The following UFSP2 variants were observed in gnomAD, a reference collection of about 807,000 sequenced individuals.
The protein encoded by UFSP2 is UFM1 specific peptidase 2.
Under a neutral mutation model 60.2 loss-of-function variants are expected in UFSP2, and 43 were observed. The observed-to-expected ratio is 0.71, with a 90% CI of 0.56 to 0.92. The LOEUF is 0.92. Ranked by LOEUF, UFSP2 falls within the 40% of genes least tolerant of loss-of-function variation. The pLI is 0.00. For synonymous variants in UFSP2, 183 were observed against 195.1 expected (o/e 0.94, Z 0.52); for missense variants, 520 against 575.0 (o/e 0.90, Z 0.98).
intron 2 of UFSP2, among the ~76,000 whole-genome samples, chr4:185,420,107 C>T (rs945381489): frequency 9.9e-5 from 15 of 152,232 alleles, no homozygotes; most frequent in African/African-American, 3.1e-4. Flanking sequence ...ATTTAAACCT[C>T]TTAGTTCTTT....
chr4:185,399,975 T>G lies in UFSP2; in HGVS notation c.*417A>C. On this transcript the variant is annotated 3_prime_UTR_variant, in exon 12 of 12. Coordinates refer to ENST00000264689, the MANE Select transcript of UFSP2 (RefSeq NM_018359.5). ...GTGGAAGTTTGGGGATAAAACTCTT[T>G]TTAAAAAAAAGTTTTTAATGTTAAC... is the stretch of plus-strand genomic sequence containing the variant. 2 of 1,594,654 alleles carry G rather than the reference T, an allele frequency of 1.3e-6. No individual in the cohort carries two copies. Among genetic ancestry groups the G allele is most frequent in the Non-Finnish European group, 1.7e-6 (2 of 1,174,348 alleles).
intron 9 of UFSP2, among the ~76,000 whole-genome samples, chr4:185,407,440 T>G (rs192297337): frequency 3.9e-4 from 60 of 152,300 alleles, no homozygotes; most frequent in African/African-American, 1.4e-3. Flanking sequence ...ATTTTCTCAT[T>G]TTAATATTAG....
In UFSP2 at chr4:185,415,655, G is replaced by A. The variant is rs1285156428; in HGVS notation, c.491+55C>T. 9 of 1,481,456 alleles carry A rather than the reference G, an allele frequency of 6.1e-6. No homozygotes were observed. In the East Asian group the frequency reaches 1.4e-4, roughly 23 times the overall value. The allele number at this position is 1,481,456 out of a possible 1,614,324, so 91.8% of individuals were successfully genotyped here. On this transcript the variant is annotated intron_variant, in intron 5 of 11. Coordinates refer to ENST00000264689, the MANE Select transcript of UFSP2 (RefSeq NM_018359.5). ...TATACCTACAGGATATACAAACATG[G>A]GTTTGGGGAAGGGCCCTCATTCAAA...
intron 4 of UFSP2, 61 bp from the exon 5 acceptor site, chr4:185,415,928 A>T (rs968186358): frequency 7.3e-7 from 1 of 1,378,088 alleles, no homozygotes; most frequent in Admixed American, 2.4e-5. Flanking sequence ...ATAAAGAGTA[A>T]GTAAAAAGAC....
At chr4:185,423,874 T>C (rs558168675) in intron 1 of UFSP2, among the ~76,000 whole-genome samples, 1 of 152,206 alleles carries the variant, frequency 6.6e-6, no homozygotes, top group Non-Finnish European at 1.5e-5. Flanking sequence ...GAGATTTCTT[T>C]TGGGAAGAGG....
At chr4:185,418,398 A>G in intron 4 of UFSP2, 43 bp downstream of exon 4, 1 of 1,465,410 alleles carries the variant, frequency 6.8e-7, no homozygotes, top group Non-Finnish European at 9.4e-7. Context: ...AAATCCAAAG[A>G]TTTAACATTT....
At position 185,399,704 on chromosome 4, in the gene UFSP2, G is replaced by C. The variant is rs757963460; in HGVS notation, c.*688C>G. ...AGTGAACACCCTGACAGGAATGATTGTGTTGCCGTGCTCAGACAGAAACGG... is the reference window on the plus strand; with the variant it reads ...AGTGAACACCCTGACAGGAATGATTCTGTTGCCGTGCTCAGACAGAAACGG... On this transcript the variant is annotated 3_prime_UTR_variant, in exon 12 of 12. Transcript: ENST00000264689. 11 of 1,614,164 alleles carry C rather than the reference G, an allele frequency of 6.8e-6. No individual in the cohort carries two copies. The South Asian group carries it at 1.2e-4, about 18-fold the overall frequency.
chr4:185,406,054 A>C, intron 9 of UFSP2, 198 bp from the exon 10 acceptor site: 1 of 1,164,754 alleles, frequency 8.6e-7, no homozygotes, highest in Non-Finnish European at 1.2e-6. Flanking sequence ...AAAATACTTA[A>C]GGCCACCAAG....
intron 9 of UFSP2, 120 bp downstream of exon 9, chr4:185,407,816 A>C: frequency 8.9e-7 from 1 of 1,118,084 alleles, no homozygotes; most frequent in Non-Finnish European, 1.2e-6. Flanking sequence ...AATGAGTAAT[A>C]AGGAAGAAGG....
intron 7 of UFSP2, among the ~76,000 whole-genome samples, chr4:185,412,279 G>A (rs939684509): frequency 3.3e-5 from 5 of 152,240 alleles, no homozygotes; most frequent in Middle Eastern, 3.4e-3. Flanking sequence ...GTGTGTCCAG[G>A]TTCTTCTAAG....
chr4:185,413,613 T>A, intron 7 of UFSP2, 113 bp downstream of exon 7: 1 of 1,055,510 alleles, frequency 9.5e-7, no homozygotes, highest in Non-Finnish European at 1.3e-6. Context: ...GGGTGATAAA[T>A]CATGTTTTAG....
chr4:185,403,714 C>A, intron 10 of UFSP2, 96 bp from the exon 11 acceptor site: 1 of 1,463,662 alleles, frequency 6.8e-7, no homozygotes, highest in East Asian at 2.4e-5. Flanking sequence ...GGCGTGGTGG[C>A]TCACACCTGT....
At chr4:185,408,956 T>C (rs948878983) in intron 7 of UFSP2, among the ~76,000 whole-genome samples, 5 of 152,188 alleles carry the variant, frequency 3.3e-5, no homozygotes, top group African/African-American at 1.2e-4. Context: ...TATCATGACT[T>C]GATATACTTT....
intron 1 of UFSP2, among the ~76,000 whole-genome samples, chr4:185,424,930 T>C (rs775321836): frequency 6.6e-6 from 1 of 152,206 alleles, no homozygotes; most frequent in African/African-American, 2.4e-5. Flanking sequence ...AGATACTCTC[T>C]GAAGAAATAA....
intron 11 of UFSP2, among the ~76,000 whole-genome samples, chr4:185,403,020 T>C (rs1038069478): frequency 1.3e-5 from 2 of 152,240 alleles, no homozygotes; most frequent in African/African-American, 2.4e-5. Flanking sequence ...AGAATACTCT[T>C]AAATATGTAT....
intron 4 of UFSP2, among the ~76,000 whole-genome samples, chr4:185,417,379 C>T (rs895981702): frequency 6.6e-6 from 1 of 152,216 alleles, no homozygotes; most frequent in Non-Finnish European, 1.5e-5. Flanking sequence ...CTCATCTGTA[C>T]ATCTTACTGA....
rs1457498898 is a variant in UFSP2 at position 185,403,384 on chromosome 4, AG to A, written c.1323+109del. On this transcript the variant is annotated intron_variant, in intron 11 of 11. Transcript: ENST00000264689. ...CAACAGCCTCAGAAGGCCTCCACAC[AG>A]GGAGATCTCTGCCCTCAGCTTATTG... 2.9e-6 allele frequency: 4 copies of A among 1,398,542 alleles called. No homozygotes were observed. The African/African-American group carries it at 5.8e-5, about 20-fold the overall frequency. The allele number at this position is 1,398,542 out of a possible 1,614,324, so 86.6% of individuals were successfully genotyped here. A position where few individuals can be genotyped will look rare whatever the true frequency, so the allele number is the denominator to read the frequency against.
In UFSP2 at chr4:185,400,800, T is replaced by C. The variant is rs191701345; in HGVS notation, c.1324-322A>G. ...ACTTGCAACTGATAGCATGTGACAA[T>C]TGAACTAGCAATCTGTTTTTCTTAA... On this transcript the variant is annotated intron_variant, in intron 11 of 11. Transcript: ENST00000264689. 2.0e-4 allele frequency among the ~76,000 whole-genome samples: 31 copies of C among 152,338 alleles called. No individual in the cohort carries two copies. The East Asian group carries it at 3.3e-3, about 16-fold the overall frequency.
chr4:185,418,468 T>C lies in UFSP2; in HGVS notation c.306A>G (p.Arg102=). 1 of 1,611,006 alleles carries C rather than the reference T, an allele frequency of 6.2e-7. No homozygotes were observed. Among genetic ancestry groups the C allele is most frequent in the Non-Finnish European group, 8.5e-7 (1 of 1,177,668 alleles). The change falls in exon 4 of 12, where the codon AGA becomes AGG. Residue 102 remains arginine (R), a synonymous_variant. Coordinates refer to ENST00000264689, the MANE Select transcript of UFSP2 (RefSeq NM_018359.5). ...PEEDIKRKFM[R]KKDKKLSDMH... ...TGTCTGATAACTTTTTGTCCTTCTTTCTCATGAATTTTCTTTTTATATCTT... is the reference window on the plus strand; with the variant it reads ...TGTCTGATAACTTTTTGTCCTTCTTCCTCATGAATTTTCTTTTTATATCTT...
Sources: gnomAD v4.1 joint callset for allele counts (sites outside exome capture counted in the v4.1 genomes callset) on GRCh38, gnomAD v4.1.1 for gene constraint, MANE v1.5 for transcripts, NCBI Gene and HGNC (gene_info 2026-07-23, HGNC 2026-07-21) for gene names.